Variants in CREB3L1 observed in about 807,000 individuals in gnomAD.
CREB3L1 encodes the protein cAMP responsive element binding protein 3 like 1.
In CREB3L1, 33 loss-of-function variants were observed where a neutral mutation model predicts 54.5. The ratio of observed to expected loss-of-function variants is 0.61; its 90% CI spans 0.46 to 0.81. The LOEUF is 0.81. Among genes scored for constraint, CREB3L1 ranks in the 30% least tolerant of loss-of-function variants. The probability of loss-of-function intolerance (pLI) is 0.00; values close to 1 mark genes in which losing one functional copy is unlikely to be tolerated. For synonymous variants in CREB3L1, 284 were observed against 286.4 expected, an observed-to-expected ratio of 0.99 and a Z score of 0.08; for missense variants, 656 against 673.3, an observed-to-expected ratio of 0.97 and a Z score of 0.29.
At chr11:46,305,646 A>ATG (rs1939376922) in intron 2 of CREB3L1, among the ~76,000 whole-genome samples, 1 of 99,216 alleles carries the variant, frequency 1.0e-5, no homozygotes, top group Non-Finnish European at 2.2e-5. Context: ...ATACATATAT[A>ATG]TGTGTGTATA....
intron 2 of CREB3L1, among the ~76,000 whole-genome samples, chr11:46,307,490 C>T (rs1483958621): frequency 2.0e-5 from 3 of 152,160 alleles, no homozygotes; most frequent in Non-Finnish European, 4.4e-5. Context: ...GTATTAGGTA[C>T]GTCCTGTTCC....
chr11:46,290,854 C>T (rs965620733), intron 1 of CREB3L1, among the ~76,000 whole-genome samples: 2 of 152,108 alleles, frequency 1.3e-5, no homozygotes, highest in East Asian at 1.9e-4. Flanking sequence ...CATCTGGATG[C>T]ACTGGAAGGG....
intron 1 of CREB3L1, among the ~76,000 whole-genome samples, chr11:46,284,551 G>A (rs1196148336): frequency 6.6e-6 from 1 of 151,968 alleles, no homozygotes; most frequent in Admixed American, 6.6e-5. Context: ...CTACTTGGGA[G>A]GCTGAGCCAG....
chr11:46,317,889 A>G (rs1939590158), intron 10 of CREB3L1, among the ~76,000 whole-genome samples: 1 of 152,192 alleles, frequency 6.6e-6, no homozygotes, highest in Non-Finnish European at 1.5e-5. Flanking sequence ...GCCATTTCCA[A>G]TAAGGTGGTG....
chr11:46,314,521 C>T (rs907138075), intron 8 of CREB3L1, among the ~76,000 whole-genome samples: 4 of 151,890 alleles, frequency 2.6e-5, no homozygotes, highest in Non-Finnish European at 4.4e-5. Context: ...GGACCACAGG[C>T]GCACACCACC....
intron 5 of CREB3L1, among the ~76,000 whole-genome samples, chr11:46,311,776 G>A (rs529823411): frequency 2.6e-5 from 4 of 152,208 alleles, no homozygotes; most frequent in Non-Finnish European, 5.9e-5. Flanking sequence ...GATTACAGGC[G>A]TGAGCCACCG....
Position 46,307,690 on chromosome 11 carries a change from T to C in CREB3L1, c.332-126T>C, listed in dbSNP as rs540358813. On this transcript the variant is annotated intron_variant, in intron 2 of 11. Transcript: ENST00000621158. ...TCCTCCTCACCTCACAACCACCCTCTTTCCTGCCTGCCCCCTGGTCTACCC... is the reference window on the plus strand; with the variant it reads ...TCCTCCTCACCTCACAACCACCCTCCTTCCTGCCTGCCCCCTGGTCTACCC... 5.8e-4 allele frequency: 426 copies of C among 729,384 alleles called. 1 individual carries two copies. The highest frequency in any genetic ancestry group is 2.5e-3 in the Middle Eastern group (8 of 3,176). 45.2% of individuals were successfully genotyped at this position (729,384 alleles called of 1,614,324 possible).
Position 46,312,611 on chromosome 11 carries a change from G to C in CREB3L1, c.904-1G>C. The C allele has an allele frequency of 6.2e-7, 1 of 1,611,564 alleles. No individual in the cohort carries two copies. Among genetic ancestry groups the C allele is most frequent in the Non-Finnish European group, 8.5e-7 (1 of 1,178,794 alleles). ...CCTTGTTTTCGGGCCTCCCCCTCTA[G>C]ATCTCAGCCCAGGAGAGCCGTCGTA... On this transcript the variant is annotated splice_acceptor_variant, in intron 6 of 11. Transcript: ENST00000621158. LOFTEE classifies it high-confidence loss of function.
chr11:46,312,539 G>A (rs1939507354), intron 6 of CREB3L1, 65 bp downstream of exon 6: 2 of 1,608,898 alleles, frequency 1.2e-6, no homozygotes, highest in Non-Finnish European at 1.7e-6. Context: ...TGGCATACCA[G>A]CTCTGAAATT....
At chr11:46,280,363 T>A (rs1938952116) in intron 1 of CREB3L1, among the ~76,000 whole-genome samples, 1 of 151,878 alleles carries the variant, frequency 6.6e-6, no homozygotes, top group Non-Finnish European at 1.5e-5. Flanking sequence ...AATTTTTTTT[T>A]ATATTTTTAG....
intron 1 of CREB3L1, among the ~76,000 whole-genome samples, chr11:46,279,856 GGCC>G (rs1041112125): frequency 6.6e-6 from 1 of 152,162 alleles, no homozygotes; most frequent in Non-Finnish European, 1.5e-5. Flanking sequence ...GAATGAACTC[GGCC>G]GCCCGAAGCC....
chr11:46,308,845 C>A (rs1237418139), intron 3 of CREB3L1, among the ~76,000 whole-genome samples: 2 of 152,208 alleles, frequency 1.3e-5, no homozygotes, highest in Non-Finnish European at 2.9e-5. Context: ...TATGCAGGAT[C>A]TTTTGAGACC....
chr11:46,292,300 T>TCA (rs1441202648), intron 1 of CREB3L1, among the ~76,000 whole-genome samples: 1 of 152,172 alleles, frequency 6.6e-6, no homozygotes, highest in African/African-American at 2.4e-5. Flanking sequence ...TTCGGGACGG[T>TCA]CATTCCTGGA....
intron 1 of CREB3L1, among the ~76,000 whole-genome samples, chr11:46,292,983 T>C (rs1279666879): frequency 6.6e-6 from 1 of 152,180 alleles, no homozygotes; most frequent in East Asian, 1.9e-4. Flanking sequence ...GTTTGAGACT[T>C]GGACTTACCC....
At position 46,320,496 on chromosome 11, in the gene CREB3L1, C is replaced by T. The variant is rs1247792241; in HGVS notation, c.1491C>T (p.Asp497=). 16 of 1,584,232 alleles carry T rather than the reference C, an allele frequency of 1.0e-5. No individual in the cohort carries two copies. Among genetic ancestry groups the T allele is most frequent in the South Asian group, 1.1e-5 (1 of 87,416 alleles). ...ACGGTGGAAACGGCACCAGCCCCGA[C>T]TTCTCCCACTCCAAGGAGTGGTTCC... is the stretch of plus-strand genomic sequence containing the variant. ...PKDGGNGTSP[D]FSHSKEWFHD... The change falls in exon 11 of 12, where the codon GAC becomes GAT. Residue 497 remains aspartate, a synonymous_variant. Transcript: ENST00000621158.
chr11:46,298,268 C>T (rs1320772140), intron 1 of CREB3L1, among the ~76,000 whole-genome samples: 1 of 152,224 alleles, frequency 6.6e-6, no homozygotes, highest in Admixed American at 6.5e-5. Flanking sequence ...CAACTCCAGA[C>T]CTTGAAGGAA....
chr11:46,287,541 T>G (rs1939072098), intron 1 of CREB3L1, among the ~76,000 whole-genome samples: 1 of 151,944 alleles, frequency 6.6e-6, no homozygotes, highest in Non-Finnish European at 1.5e-5. Context: ...GCTCAAGCGA[T>G]CCTCCCTCCT....
intron 10 of CREB3L1, among the ~76,000 whole-genome samples, chr11:46,319,139 G>A (rs1939610383): frequency 6.6e-6 from 1 of 152,226 alleles, no homozygotes; most frequent in Non-Finnish European, 1.5e-5. Flanking sequence ...TGGAGGGAAG[G>A]CAGTGGGTTT....
In CREB3L1 at chr11:46,320,474, G is replaced by A. The variant is rs754844256; in HGVS notation, c.1469G>A (p.Gly490Asp). 8 of 1,600,188 alleles carry A rather than the reference G, an allele frequency of 5.0e-6. No individual in the cohort carries two copies. Among genetic ancestry groups the A allele is most frequent in the Non-Finnish European group, 6.8e-6 (8 of 1,173,564 alleles). ...KYLSEAWPKD[G>D]GNGTSPDFSH... ...CTGAGTGAGGCCTGGCCTAAAGACG[G>A]TGGAAACGGCACCAGCCCCGACTTC... Residue 490 changes from glycine (G) to aspartate (D), a missense_variant, in exon 11 of 12, where the codon GGT (glycine) becomes GAT (aspartate). Transcript: ENST00000621158.
Sources: gnomAD v4.1 joint callset for allele counts (sites outside exome capture counted in the v4.1 genomes callset) on GRCh38, gnomAD v4.1.1 for gene constraint, MANE v1.5 for transcripts, NCBI Gene and HGNC (gene_info 2026-07-23, HGNC 2026-07-21) for gene names.